The following OR6T1 variants were observed in gnomAD, a reference collection of about 807,000 sequenced individuals.
OR6T1 encodes the protein olfactory receptor 6T1.
For synonymous variants in OR6T1, 179 were observed against 159.1 expected, an observed-to-expected ratio of 1.13 and a Z score of -0.94; for missense variants, 389 against 390.5, an observed-to-expected ratio of 1.00 and a Z score of 0.03.
Position 123,943,661 on chromosome 11 carries a change from A to G in OR6T1, c.178T>C (p.Tyr60His). 1.9e-6 allele frequency: 3 copies of G among 1,614,236 alleles called. No homozygotes were observed. Among genetic ancestry groups the G allele is most frequent in the Non-Finnish European group, 2.5e-6 (3 of 1,180,018 alleles). ...WIDQRLHIQM[Y>H]FFLRNFSFLE... ...AAGGAGAAATTCCGCAGGAAGAAGT[A>G]CATCTGTATGTGCAGGCGTTGGTCT... The change falls in exon 1 of 1, where the codon TAC becomes CAC. Residue 60 changes from tyrosine to histidine, a missense_variant. Transcript: ENST00000321252.
chr11:123,943,129 G>T lies in OR6T1; in HGVS notation c.710C>A (p.Ala237Glu). 6.2e-7 allele frequency: 1 copy of T among 1,614,208 alleles called. No individual in the cohort carries two copies. The change falls in exon 1 of 1, where the codon GCG (alanine) becomes GAG (glutamate). Residue 237 changes from alanine to glutamate, a missense_variant. By Grantham distance (107) the Ala-to-Glu change is moderately radical. Coordinates refer to ENST00000321252, the MANE Select transcript of OR6T1 (RefSeq NM_001005187.1). ...AAGATGCGAGGCGCAAGTGGAAAAC[G>T]CTTTCCTTCGCTCAGCAGCTGTAGG... ...RAPTAAERRK[A>E]FSTCASHLTV...
At position 123,943,002 on chromosome 11, in the gene OR6T1, G is replaced by A; in HGVS notation, c.837C>T (p.Cys279=). ...ATGGGTTCAAGAGGGGTGTGATGAT[G>A]CAGCTCAGGACGGAGGCACCTTTGT... ...LLNKGASVLS[C]IITPLLNPFI... The change falls in exon 1 of 1, where the codon TGC becomes TGT. Residue 279 remains cysteine (C), a synonymous_variant. Coordinates refer to ENST00000321252, the MANE Select transcript of OR6T1 (RefSeq NM_001005187.1). 1 of 1,614,180 alleles carries A rather than the reference G, an allele frequency of 6.2e-7. No individual in the cohort carries two copies. The highest frequency in any genetic ancestry group is 8.5e-7 in the Non-Finnish European group (1 of 1,180,036).
In OR6T1 at chr11:123,943,694, T is replaced by G; in HGVS notation, c.145A>C (p.Ser49Arg). The change falls in exon 1 of 1, where the codon AGC becomes CGC. Residue 49 changes from serine (S) to arginine (R), a missense_variant. By Grantham distance (110) the Ser-to-Arg change is moderately radical. Transcript: ENST00000321252. ...ATGKLLIIVLSWIDQRLHIQM... is the reference protein window; with the variant it reads ...ATGKLLIIVLRWIDQRLHIQM... ...ATGTGCAGGCGTTGGTCTATCCAGC[T>G]GAGCACAATAATTAGCAGCTTGCCT... is the stretch of plus-strand genomic sequence containing the variant. 6.2e-7 allele frequency: 1 copy of G among 1,614,204 alleles called. No individual in the cohort carries two copies. Among genetic ancestry groups the G allele is most frequent in the Non-Finnish European group, 8.5e-7 (1 of 1,180,028 alleles).
At position 123,942,905 on chromosome 11, in the gene OR6T1, C is replaced by T. The variant is rs1424491050; in HGVS notation, c.934G>A (p.Ala312Thr). The change falls in exon 1 of 1, where the codon GCT becomes ACT. Residue 312 changes from alanine (A) to threonine (T), a missense_variant. Ala to Thr is a moderately conservative substitution (Grantham distance 58, BLOSUM62 0). Coordinates refer to ENST00000321252, the MANE Select transcript of OR6T1 (RefSeq NM_001005187.1). ...REALGWPRLT[A>T]VMKLRVTSQR... ...CTTGTGACCCTCAGTTTCATCACAG[C>T]AGTGAGCCTGGGCCACCCCAAGGCT... is the stretch of plus-strand genomic sequence containing the variant. The T allele has an allele frequency of 6.2e-7, 1 of 1,614,100 alleles. No individual in the cohort carries two copies. The highest frequency in any genetic ancestry group is 2.2e-5 in the East Asian group (1 of 44,868).
At position 123,943,422 on chromosome 11, in the gene OR6T1, A is replaced by C; in HGVS notation, c.417T>G (p.His139Gln). ...PLRYETLMNG[H>Q]VCSQLVLASW... ...AGGCCAGCACTAGTTGGGAACAGACATGGCCATTCATCAGGGTCTCATAGC... is the reference window on the plus strand; with the variant it reads ...AGGCCAGCACTAGTTGGGAACAGACCTGGCCATTCATCAGGGTCTCATAGC... Residue 139 changes from histidine (H) to glutamine (Q), a missense_variant, in exon 1 of 1, where the codon CAT becomes CAG. By Grantham distance (24) the His-to-Gln change is conservative. Transcript: ENST00000321252. 6.2e-7 allele frequency: 1 copy of C among 1,614,190 alleles called. No homozygotes were observed. Among genetic ancestry groups the C allele is most frequent in the Non-Finnish European group, 8.5e-7 (1 of 1,180,030 alleles).
rs757490052 is a variant in OR6T1 at position 123,943,344 on chromosome 11, G to C, written c.495C>G (p.Ser165Arg). 1 of 1,614,190 alleles carries C rather than the reference G, an allele frequency of 6.2e-7. No homozygotes were observed. Among genetic ancestry groups the C allele is most frequent in the Non-Finnish European group, 8.5e-7 (1 of 1,180,036 alleles). ...WVLCPTVLMA[S>R]LPFCGPNGID... is the part of the protein sequence containing the mutation. ...TACCATTGGGGCCACAGAAAGGCAG[G>C]CTGGCCATGAGGACAGTGGGGCAAA... The change falls in exon 1 of 1, where the codon AGC becomes AGG. Residue 165 changes from serine to arginine, a missense_variant. Ser to Arg is a moderately radical substitution (Grantham distance 110). Transcript: ENST00000321252.
Position 123,942,971 on chromosome 11 carries a change from A to C in OR6T1, c.868T>G (p.Phe290Val), listed in dbSNP as rs747983939. Residue 290 changes from phenylalanine (F) to valine (V), a missense_variant, in exon 1 of 1, where the codon TTC becomes GTC. Transcript: ENST00000321252. ...IITPLLNPFIFTLRNDKVQQA... is the reference protein window; with the variant it reads ...IITPLLNPFIVTLRNDKVQQA... ...TGCACCTTGTCATTGCGGAGAGTGAAGATGAATGGGTTCAAGAGGGGTGTG... is the reference window on the plus strand; with the variant it reads ...TGCACCTTGTCATTGCGGAGAGTGACGATGAATGGGTTCAAGAGGGGTGTG... 1.2e-6 allele frequency: 2 copies of C among 1,614,082 alleles called. No individual in the cohort carries two copies. The highest frequency in any genetic ancestry group is 1.7e-6 in the Non-Finnish European group (2 of 1,180,044).
chr11:123,943,435 A>C lies in OR6T1; in HGVS notation c.404T>G (p.Leu135Arg). Residue 135 changes from leucine to arginine, a missense_variant, in exon 1 of 1, where the codon CTG (leucine) becomes CGG (arginine). Transcript: ENST00000321252. ...AICRPLRYET[L>R]MNGHVCSQLV... Reference sequence around the variant, plus strand: ...TTGGGAACAGACATGGCCATTCATCAGGGTCTCATAGCGGAGTGGTCGGCA... The same window carrying C: ...TTGGGAACAGACATGGCCATTCATCCGGGTCTCATAGCGGAGTGGTCGGCA... The C allele has an allele frequency of 3.1e-6, 5 of 1,614,176 alleles. No homozygotes were observed. The highest frequency in any genetic ancestry group is 4.2e-6 in the Non-Finnish European group (5 of 1,180,024).
rs1482761004 is a variant in OR6T1 at position 123,943,020 on chromosome 11, A to T, written c.819T>A (p.Gly273=). The change falls in exon 1 of 1, where the codon GGT becomes GGA. Residue 273 remains glycine, a synonymous_variant. Coordinates refer to ENST00000321252, the MANE Select transcript of OR6T1 (RefSeq NM_001005187.1). The stretch of plus-strand genomic sequence containing the variant: ...TGATGATGCAGCTCAGGACGGAGGC[A>T]CCTTTGTTGAGCAGTTTGGACTGAG... ...SEAQSKLLNK[G]ASVLSCIITP... is the part of the protein sequence containing the mutation. The T allele has an allele frequency of 6.2e-7, 1 of 1,614,088 alleles. No individual in the cohort carries two copies. Among genetic ancestry groups the T allele is most frequent in the Admixed American group, 1.7e-5 (1 of 60,008 alleles).
chr11:123,943,698 C>A lies in OR6T1; in HGVS notation c.141G>T (p.Val47=). ...VTATGKLLII[V]LSWIDQRLHI... is the part of the protein sequence containing the mutation. Reference sequence around the variant, plus strand: ...GCAGGCGTTGGTCTATCCAGCTGAGCACAATAATTAGCAGCTTGCCTGTGG... The same window carrying A: ...GCAGGCGTTGGTCTATCCAGCTGAGAACAATAATTAGCAGCTTGCCTGTGG... The change falls in exon 1 of 1, where the codon GTG becomes GTT. Residue 47 remains valine (V), a synonymous_variant. Transcript: ENST00000321252. The A allele has an allele frequency of 6.2e-7, 1 of 1,614,204 alleles. No individual in the cohort carries two copies. Among genetic ancestry groups the A allele is most frequent in the South Asian group, 1.1e-5 (1 of 91,086 alleles).
chr11:123,943,069 A>G lies in OR6T1; in HGVS notation c.770T>C (p.Phe257Ser), dbSNP rs1292770348. 1 of 1,614,208 alleles carries G rather than the reference A, an allele frequency of 6.2e-7. No individual in the cohort carries two copies. The highest frequency in any genetic ancestry group is 2.2e-5 in the East Asian group (1 of 44,884). Residue 257 changes from phenylalanine (F) to serine (S), a missense_variant, in exon 1 of 1, where the codon TTT becomes TCT. Physicochemically the swap from Phe to Ser is radical, Grantham distance 155. Transcript: ENST00000321252. ...AGCCTCTGACATACGAATGTAGAGA[A>G]AGATGGAACTGCCATAGATGATGAC... ...VVVIIYGSSI[F>S]LYIRMSEAQS...
At chr11:123,943,769 G>A in the OR6T1 span, 1 of 1,614,054 alleles carries the variant, frequency 6.2e-7, no homozygotes, top group Non-Finnish European at 8.5e-7. Flanking sequence ...ACCAGGAACT[G>A]TATGAGGTGG....
rs1228249293 is a variant in OR6T1 at position 123,943,761 on chromosome 11, C to G, written c.78G>C (p.Leu26=). 8.1e-6 allele frequency: 13 copies of G among 1,614,134 alleles called. No homozygotes were observed. The East Asian group carries it at 2.7e-4, about 33-fold the overall frequency. Residue 26 remains leucine, a synonymous_variant, in exon 1 of 1, where the codon CTG becomes CTC. Coordinates refer to ENST00000321252, the MANE Select transcript of OR6T1 (RefSeq NM_001005187.1). Reference sequence around the variant, plus strand: ...AGGTCACCATTAACCCCAGGAACACCAGGAACTGTATGAGGTGGCTACTGG... The same window carrying G: ...AGGTCACCATTAACCCCAGGAACACGAGGAACTGTATGAGGTGGCTACTGG... The part of the protein sequence containing the change: ...GFPSSHLIQF[L]VFLGLMVTYI...
At position 123,943,575 on chromosome 11, in the gene OR6T1, C is replaced by T. The variant is rs1231333458; in HGVS notation, c.264G>A (p.Gly88=). The change falls in exon 1 of 1, where the codon GGG becomes GGA. Residue 88 remains glycine, a synonymous_variant. Coordinates refer to ENST00000321252, the MANE Select transcript of OR6T1 (RefSeq NM_001005187.1). ...VPKMLVVILT[G]DHTISFVSCI... is the part of the protein sequence containing the mutation. ...AGCTGACAAATGAGATGGTGTGATC[C>T]CCCGTGAGGATGACGACAAGCATCT... 1 of 1,614,162 alleles carries T rather than the reference C, an allele frequency of 6.2e-7. No homozygotes were observed. The highest frequency in any genetic ancestry group is 1.1e-5 in the South Asian group (1 of 91,084).
rs759785228 is a variant in OR6T1, at chr11:123,943,675, A to C, written c.164T>G (p.Leu55Arg). The C allele has an allele frequency of 1.2e-6, 2 of 1,614,200 alleles. No individual in the cohort carries two copies. Among genetic ancestry groups the C allele is most frequent in the Non-Finnish European group, 1.7e-6 (2 of 1,179,990 alleles). ...IIVLSWIDQR[L>R]HIQMYFFLRN... ...CAGGAAGAAGTACATCTGTATGTGC[A>C]GGCGTTGGTCTATCCAGCTGAGCAC... Residue 55 changes from leucine to arginine, a missense_variant, in exon 1 of 1, where the codon CTG (leucine) becomes CGG (arginine). Coordinates refer to ENST00000321252, the MANE Select transcript of OR6T1 (RefSeq NM_001005187.1).
chr11:123,943,139 G>A, the OR6T1 span: 217 of 1,614,056 alleles, frequency 1.3e-4, no homozygotes, highest in Non-Finnish European at 1.8e-4. Flanking sequence ...GCTTTCCTTC[G>A]CTCAGCAGCT....
rs779845113 is a variant in OR6T1, at chr11:123,942,868, C to A, written c.971G>T (p.Ter324LeuextTer?). Residue 324 changes from the stop codon to leucine, a stop_lost, in exon 1 of 1, where the codon TGA becomes TTA. Transcript: ENST00000321252. ...CATTTAATCTCCCATTTAATAAGAT[C>A]ATTTCCTTTGACTTGTGACCCTCAG... is the stretch of plus-strand genomic sequence containing the variant. ...MKLRVTSQRK* is the reference protein window; with the variant it reads ...MKLRVTSQRKL The A allele has an allele frequency of 2.5e-6, 4 of 1,611,164 alleles. No individual in the cohort carries two copies. Among genetic ancestry groups the A allele is most frequent in the African/African-American group, 2.7e-5 (2 of 74,866 alleles).
In OR6T1 at chr11:123,943,459, C is replaced by T; in HGVS notation, c.380G>A (p.Cys127Tyr). Residue 127 changes from cysteine to tyrosine, a missense_variant, in exon 1 of 1, where the codon TGC (cysteine) becomes TAC (tyrosine). Physicochemically the swap from Cys to Tyr is radical, Grantham distance 194. Coordinates refer to ENST00000321252, the MANE Select transcript of OR6T1 (RefSeq NM_001005187.1). ...CAGGGTCTCATAGCGGAGTGGTCGG[C>T]AGATTGCCAGGTAACGATCCAGAGA... The part of the protein sequence containing the change: ...VMSLDRYLAI[C>Y]RPLRYETLMN... The T allele has an allele frequency of 6.2e-7, 1 of 1,614,070 alleles. No homozygotes were observed. The highest frequency in any genetic ancestry group is 8.5e-7 in the Non-Finnish European group (1 of 1,180,018).
rs371540555 is a variant in OR6T1 at position 123,943,590 on chromosome 11, G to A, written c.249C>T (p.Val83=). 74 of 1,614,072 alleles carry A rather than the reference G, an allele frequency of 4.6e-5. No homozygotes were observed. Among genetic ancestry groups the A allele is most frequent in the South Asian group, 6.6e-5 (6 of 91,088 alleles). ...LVTVVVPKML[V]VILTGDHTIS... ...TGGTGTGATCCCCCGTGAGGATGAC[G>A]ACAAGCATCTTGGGAACCACAACAG... The change falls in exon 1 of 1, where the codon GTC becomes GTT. Residue 83 remains valine, a synonymous_variant. Transcript: ENST00000321252.
Sources: allele counts gnomAD v4.1 joint callset, GRCh38; gene constraint gnomAD v4.1.1; transcripts MANE v1.5; gene names NCBI Gene and HGNC (gene_info 2026-07-23, HGNC 2026-07-21).